WDR18: variants seen among roughly 807,000 people sequenced by gnomAD.
WDR18 encodes WD repeat domain 18, also known as WD repeat-containing protein 18.
A neutral mutation model predicts 49.6 loss-of-function variants in WDR18; 33 were observed. That is an observed-to-expected ratio of 0.67 (90% CI 0.50 to 0.89). The LOEUF (loss-of-function observed/expected upper bound fraction) is 0.89. WDR18 is among the 40% of genes least tolerant of loss of function. The pLI is 0.00. For missense variants in WDR18, 653 were observed against 593.6 expected (o/e 1.10, Z -1.04); for synonymous variants, 315 against 263.6 (o/e 1.19, Z -1.89).
At chr19:989,537 C>T (rs541801768) in intron 2 of WDR18, among the ~76,000 whole-genome samples, 4 of 152,128 alleles carry the variant, frequency 2.6e-5, no homozygotes, top group South Asian at 2.1e-4. Flanking sequence ...CAGGTGGGGA[C>T]GAGGCGGGAA....
At chr19:993,025 ACT>A (rs1209956012) in intron 8 of WDR18, among the ~76,000 whole-genome samples, 1 of 152,004 alleles carries the variant, frequency 6.6e-6, no homozygotes, top group African/African-American at 2.4e-5. Flanking sequence ...ATGGAGTGAC[ACT>A]CTGTTTTCCC....
At chr19:992,925 A>AT (rs1288385039) in intron 8 of WDR18, among the ~76,000 whole-genome samples, 3 of 152,146 alleles carry the variant, frequency 2.0e-5, no homozygotes, top group Non-Finnish European at 2.9e-5. Context: ...GTACAGATTG[A>AT]TTTTTTTATC....
upstream of WDR18, among the ~76,000 whole-genome samples, chr19:983,609 G>T (rs112837932): frequency 0.022 from 3,271 of 151,192 alleles, 49 homozygotes; most frequent in Non-Finnish European, 0.035. Context: ...GTGACGGGCA[G>T]CCGTGACATG....
chr19:994,093 G>A lies in WDR18; in HGVS notation c.1167+5G>A, dbSNP rs2038598120. Reference sequence around the variant, plus strand: ...CTGTGCAGCACCATGGAGAAGGTGGGCGGGGCCTCGGGAGGGGCGGGGCCT... The same window carrying A: ...CTGTGCAGCACCATGGAGAAGGTGGACGGGGCCTCGGGAGGGGCGGGGCCT... On this transcript the variant is annotated splice_donor_5th_base_variant and intron_variant, in intron 9 of 9. Coordinates refer to ENST00000585809, the MANE Select transcript of WDR18 (RefSeq NM_024100.4). 1 of 1,555,424 alleles carries A rather than the reference G, an allele frequency of 6.4e-7. No individual in the cohort carries two copies. Among genetic ancestry groups the A allele is most frequent in the East Asian group, 2.4e-5 (1 of 41,656 alleles).
At chr19:994,161 C>G in intron 9 of WDR18, 52 bp from the exon 10 acceptor site, 6 of 1,555,674 alleles carry the variant, frequency 3.9e-6, no homozygotes, top group Non-Finnish European at 5.2e-6. Context: ...AGTGGCCCCC[C>G]TCCAGCACAC....
intron 9 of WDR18, 24 bp from the exon 10 acceptor site, chr19:994,189 C>T: frequency 1.9e-6 from 3 of 1,584,740 alleles, no homozygotes; most frequent in East Asian, 2.3e-5. Context: ...CACTTCTGCC[C>T]TCTGACCCCG....
rs2038563995 is a variant in WDR18 at position 992,020 on chromosome 19, A to G, written c.997A>G (p.Ser333Gly). 4 of 1,594,936 alleles carry G rather than the reference A, an allele frequency of 2.5e-6. No homozygotes were observed. Among genetic ancestry groups the G allele is most frequent in the African/African-American group, 2.7e-5 (2 of 73,292 alleles). The change falls in exon 8 of 10, where the codon AGC (serine) becomes GGC (glycine). Residue 333 changes from serine (S) to glycine (G), a missense_variant. Ser to Gly is a moderately conservative substitution (Grantham distance 56). Coordinates refer to ENST00000585809, the MANE Select transcript of WDR18 (RefSeq NM_024100.4). Reference protein sequence around the residue: ...VSMLSSDFRPSLPLPHFNKHL... With the variant: ...VSMLSSDFRPGLPLPHFNKHL... ...CATGCTGAGCTCAGACTTCAGGCCC[A>G]GCCTGCCGCTGCCCCACTTCAACAA...
chr19:991,881 T>TG (rs1245453424), intron 7 of WDR18, 74 bp from the exon 8 acceptor site: 1 of 1,264,146 alleles, frequency 7.9e-7, no homozygotes, highest in Non-Finnish European at 9.8e-7. Context: ...CTGCCCTGGA[T>TG]GGGGCGGAAC....
At chr19:990,639 G>A in intron 4 of WDR18, 1 of 831,672 alleles carries the variant, frequency 1.2e-6, no homozygotes, top group Non-Finnish European at 1.8e-6. Flanking sequence ...CTGGGAGGGA[G>A]AACCAGGGGT....
At chr19:992,824 C>T (rs1490301235) in intron 8 of WDR18, among the ~76,000 whole-genome samples, 2 of 152,266 alleles carry the variant, frequency 1.3e-5, no homozygotes, top group Non-Finnish European at 2.9e-5. Flanking sequence ...CGATGAGCTG[C>T]CTGCGTCCTT....
chr19:986,002 C>A (rs775894083), intron 2 of WDR18, 27 bp downstream of exon 2: 7 of 1,602,772 alleles, frequency 4.4e-6, no homozygotes, highest in Non-Finnish European at 6.0e-6. Flanking sequence ...GTGAGCGTTT[C>A]CCACAGGACA....
rs1301167819 is a variant in WDR18 at position 987,903 on chromosome 19, C to T, written c.322-1859C>T. On this transcript the variant is annotated intron_variant, in intron 2 of 9. Transcript: ENST00000585809. The stretch of plus-strand genomic sequence containing the variant: ...GGGCTGGAGTGCAGTGGCTCAATCT[C>T]AGATCACTGCAACCTCAGGCTCCCA... Among the ~76,000 whole-genome samples the T allele has an allele frequency of 2.1e-5, 3 of 144,670 alleles. No individual in the cohort carries two copies. In the South Asian group the frequency reaches 7.1e-4, roughly 34 times the overall value. The allele number at this position is 144,670 out of a possible 152,430, so 94.9% of individuals were successfully genotyped here.
Position 994,066 on chromosome 19 carries a change from T to C in WDR18, c.1145T>C (p.Val382Ala), listed in dbSNP as rs758863930. Residue 382 changes from valine to alanine, a missense_variant, in exon 9 of 10, where the codon GTC becomes GCC. Transcript: ENST00000585809. ...GACCGCACGGAGCAGCTGCAGGCCGTCCTGTGCAGCACCATGGAGAAGGTG... is the reference window on the plus strand; with the variant it reads ...GACCGCACGGAGCAGCTGCAGGCCGCCCTGTGCAGCACCATGGAGAAGGTG... Reference protein sequence around the residue: ...YLDRTEQLQAVLCSTMEKSVL... With the variant: ...YLDRTEQLQAALCSTMEKSVL... 1.5e-5 allele frequency: 24 copies of C among 1,560,366 alleles called. No homozygotes were observed. In the African/African-American group the frequency reaches 3.1e-4, roughly 20 times the overall value.
At chr19:993,363 G>A (rs139533248) in intron 8 of WDR18, among the ~76,000 whole-genome samples, 1,575 of 152,318 alleles carry the variant, frequency 0.01, 25 homozygotes, top group Middle Eastern at 0.017. Context: ...TTCCGGAGGG[G>A]GCCAGGCCAT....
intron 8 of WDR18, among the ~76,000 whole-genome samples, chr19:993,542 G>A (rs1489859966): frequency 2.0e-5 from 3 of 152,236 alleles, no homozygotes; most frequent in South Asian, 2.1e-4. Flanking sequence ...TCCAGGAGGC[G>A]GGTTCCCGAC....
intron 1 of WDR18, among the ~76,000 whole-genome samples, chr19:985,544 G>A (rs1029597635): frequency 6.6e-6 from 1 of 152,062 alleles, no homozygotes; most frequent in African/African-American, 2.4e-5. Context: ...GAAGGATTGG[G>A]GCACAAGCCT....
intron 8 of WDR18, among the ~76,000 whole-genome samples, chr19:992,356 C>T (rs1452645558): frequency 2.0e-5 from 3 of 152,254 alleles, no homozygotes; most frequent in African/African-American, 7.2e-5. Flanking sequence ...GCCAGCAGGG[C>T]CGAGCTGCAC....
chr19:992,175 G>T, intron 8 of WDR18, 54 bp downstream of exon 8: 1 of 1,395,874 alleles, frequency 7.2e-7, no homozygotes, highest in South Asian at 1.6e-5. Flanking sequence ...AAGACCCCGC[G>T]GGCCCTGGGC....
Position 994,511 on chromosome 19 carries a change from C to A in WDR18, c.*167C>A. 1 of 964,370 alleles carries A rather than the reference C, an allele frequency of 1.0e-6. No individual in the cohort carries two copies. The highest frequency in any genetic ancestry group is 1.5e-6 in the Non-Finnish European group (1 of 669,276). The allele number at this position is 964,370 out of a possible 1,614,324, so 59.7% of individuals were successfully genotyped here. Reference sequence around the variant, plus strand: ...GGCCGTCTTGGTGTCTCGTGGCACGCGTCACAGTGGTGCTAGTCTGTTTTT... The same window carrying A: ...GGCCGTCTTGGTGTCTCGTGGCACGAGTCACAGTGGTGCTAGTCTGTTTTT... On this transcript the variant is annotated 3_prime_UTR_variant, in exon 10 of 10. Coordinates refer to ENST00000585809, the MANE Select transcript of WDR18 (RefSeq NM_024100.4).
Sources: gnomAD v4.1 joint callset for allele counts (sites outside exome capture counted in the v4.1 genomes callset) on GRCh38, gnomAD v4.1.1 for gene constraint, MANE v1.5 for transcripts, NCBI Gene and HGNC (gene_info 2026-07-23, HGNC 2026-07-21) for gene names.